The following NRXN3 variants were observed in gnomAD, a reference collection of about 807,000 sequenced individuals.
The protein encoded by NRXN3 is neurexin 3, also known as neurexin III.
Under a neutral mutation model 137.6 loss-of-function variants are expected in NRXN3, and 32 were observed. The ratio of observed to expected loss-of-function variants is 0.23; its 90% CI spans 0.18 to 0.31. The LOEUF is 0.31. NRXN3 is among the 10% of genes least tolerant of loss of function. The pLI is 1.00. For missense variants in NRXN3, 1,574 were observed against 2,062.5 expected (o/e 0.76, Z 4.59); for synonymous variants, 798 against 784.5 (o/e 1.02, Z -0.29).
intron 1 of NRXN3, among the ~76,000 whole-genome samples, chr14:78,206,737 G>A (rs1177155553): frequency 1.3e-5 from 2 of 152,144 alleles, no homozygotes; most frequent in Non-Finnish European, 2.9e-5. Context: ...TTCATAACTG[G>A]CAGGGATGTT....
chr14:79,459,048 A>G (rs1333242202), intron 15 of NRXN3, among the ~76,000 whole-genome samples: 1 of 150,464 alleles, frequency 6.6e-6, no homozygotes, highest in East Asian at 1.9e-4. Flanking sequence ...CATCAGGTAA[A>G]TGGTGAGAAT....
intron 4 of NRXN3, among the ~76,000 whole-genome samples, chr14:78,321,076 A>G (rs1238410086): frequency 6.6e-6 from 1 of 151,840 alleles, no homozygotes; most frequent in Non-Finnish European, 1.5e-5. Context: ...AGATCGCACC[A>G]CTGCACTCCA....
At chr14:79,378,432 G>A (rs1724115672) in intron 15 of NRXN3, among the ~76,000 whole-genome samples, 1 of 152,216 alleles carries the variant, frequency 6.6e-6, no homozygotes, top group African/African-American at 2.4e-5. Flanking sequence ...TCAGAGAAGA[G>A]ACTGGTGGCT....
chr14:79,151,381 C>A (rs2059781734), intron 15 of NRXN3, among the ~76,000 whole-genome samples: 1 of 151,988 alleles, frequency 6.6e-6, no homozygotes, highest in Admixed American at 6.6e-5. Flanking sequence ...CAGAGGTGAG[C>A]CTCCAGCTGC....
At chr14:79,587,977 G>C (rs907851124) in intron 16 of NRXN3, among the ~76,000 whole-genome samples, 1 of 152,110 alleles carries the variant, frequency 6.6e-6, no homozygotes, top group Non-Finnish European at 1.5e-5. Flanking sequence ...CTTTGAGTAA[G>C]TTCTTAGAAG....
chr14:78,215,038 G>C (rs1416547399), intron 1 of NRXN3, among the ~76,000 whole-genome samples: 1 of 152,160 alleles, frequency 6.6e-6, no homozygotes. Flanking sequence ...TATTAAATGA[G>C]ATAATATGTG....
At chr14:79,243,752 A>G (rs2074694066) in intron 15 of NRXN3, among the ~76,000 whole-genome samples, 1 of 152,146 alleles carries the variant, frequency 6.6e-6, no homozygotes, top group Non-Finnish European at 1.5e-5. Context: ...GTCTGGATAT[A>G]TCTAAACATA....
intron 10 of NRXN3, among the ~76,000 whole-genome samples, chr14:78,939,808 T>C (rs1005544660): frequency 2.0e-5 from 3 of 152,338 alleles, no homozygotes; most frequent in African/African-American, 7.2e-5. Context: ...AACTCTCTTA[T>C]TTCATCCTTT....
intron 10 of NRXN3, among the ~76,000 whole-genome samples, chr14:78,825,937 G>A (rs2098965369): frequency 1.3e-5 from 2 of 152,138 alleles, no homozygotes; most frequent in South Asian, 2.1e-4. Flanking sequence ...AACCCCAGAG[G>A]GGCTAATCTG....
At chr14:79,281,130 A>C (rs1304278296) in intron 15 of NRXN3, among the ~76,000 whole-genome samples, 1 of 152,176 alleles carries the variant, frequency 6.6e-6, no homozygotes, top group Non-Finnish European at 1.5e-5. Flanking sequence ...GTTTGTCCAC[A>C]TATCTAGTGG....
chr14:78,418,723 A>G (rs1038882859), intron 4 of NRXN3, among the ~76,000 whole-genome samples: 1 of 152,246 alleles, frequency 6.6e-6, no homozygotes, highest in Non-Finnish European at 1.5e-5. Flanking sequence ...TAGCAATGGT[A>G]ATAGTACTAT....
chr14:78,239,409 G>A (rs568433087), intron 1 of NRXN3, among the ~76,000 whole-genome samples: 9 of 152,252 alleles, frequency 5.9e-5, no homozygotes, highest in African/African-American at 1.7e-4. Flanking sequence ...TGAATTGAAG[G>A]GTTTTCTCTT....
intron 15 of NRXN3, among the ~76,000 whole-genome samples, chr14:79,398,477 G>A (rs972419037): frequency 6.6e-6 from 1 of 151,642 alleles, no homozygotes; most frequent in African/African-American, 2.4e-5. Context: ...ACATCTCAGT[G>A]TAGTAAGCAG....
intron 15 of NRXN3, among the ~76,000 whole-genome samples, chr14:79,357,366 C>T (rs1242199672): frequency 2.0e-5 from 3 of 152,120 alleles, no homozygotes; most frequent in South Asian, 2.1e-4. Context: ...AACTTCTATT[C>T]CTTTAACAAA....
At chr14:78,311,996 TA>T (rs1428150182) in intron 4 of NRXN3, among the ~76,000 whole-genome samples, 10 of 152,164 alleles carry the variant, frequency 6.6e-5, no homozygotes, top group Non-Finnish European at 1.5e-4. Context: ...AGAAAATTTG[TA>T]GCACAATCGG....
chr14:79,240,486 C>T (rs1234078861), intron 15 of NRXN3, among the ~76,000 whole-genome samples: 3 of 152,134 alleles, frequency 2.0e-5, no homozygotes, highest in Admixed American at 2.0e-4. Flanking sequence ...TCACAGCTTG[C>T]TGAAAGGCTT....
chr14:78,723,171 AC>A (rs1354041835), intron 8 of NRXN3, among the ~76,000 whole-genome samples: 1 of 152,190 alleles, frequency 6.6e-6, no homozygotes, highest in East Asian at 1.9e-4. Context: ...CAATGGGATA[AC>A]CAGGTCAGAT....
intron 16 of NRXN3, among the ~76,000 whole-genome samples, chr14:79,536,173 C>G (rs549512269): frequency 6.6e-6 from 1 of 152,296 alleles, no homozygotes; most frequent in South Asian, 2.1e-4. Flanking sequence ...CATTTATGGT[C>G]TCTCCTAGAA....
intron 4 of NRXN3, among the ~76,000 whole-genome samples, chr14:78,404,251 C>G (rs1382673115): frequency 6.7e-6 from 1 of 148,600 alleles, no homozygotes; most frequent in East Asian, 2.0e-4. Context: ...AGCAGGCAGA[C>G]AGAAACAGGG....
Sources: allele counts gnomAD v4.1 joint callset (sites outside exome capture counted in the v4.1 genomes callset), GRCh38; gene constraint gnomAD v4.1.1; transcripts MANE v1.5; gene names NCBI Gene and HGNC (gene_info 2026-07-23, HGNC 2026-07-21).